Variants in TENM3 observed in about 807,000 individuals in gnomAD.
TENM3 encodes teneurin transmembrane protein 3.
In TENM3, 63 loss-of-function variants were observed where a neutral mutation model predicts 255.1. The ratio of observed to expected loss-of-function variants is 0.25; its 90% confidence interval spans 0.20 to 0.30. The LOEUF is 0.30. TENM3 is among the 10% of genes least tolerant of loss of function. The pLI is 1.00. For missense variants in TENM3, 2,929 were observed against 3,461.1 expected (o/e 0.85, Z 3.86); for synonymous variants, 1,306 against 1,322.3 (o/e 0.99, Z 0.27).
chr4:182,357,324 A>G (rs1292684687), intron 3 of TENM3, among the ~76,000 whole-genome samples: 1 of 151,858 alleles, frequency 6.6e-6, no homozygotes, highest in Non-Finnish European at 1.5e-5. Flanking sequence ...ACTAGTTTAC[A>G]GTCCCACCAA....
At chr4:182,780,663 C>T (rs1177155706) in intron 24 of TENM3, among the ~76,000 whole-genome samples, 9 of 146,318 alleles carry the variant, frequency 6.2e-5, no homozygotes, top group African/African-American at 2.1e-4. Flanking sequence ...GCCATTTTCA[C>T]GATATTGATT....
the TENM3 span, among the ~76,000 whole-genome samples, chr4:181,754,876 GA>G: frequency 1.3e-5 from 2 of 152,120 alleles, no homozygotes; most frequent in African/African-American, 4.8e-5. Context: ...CCCAGAATAC[GA>G]AAATGTTATT....
At chr4:182,477,192 A>T (rs2151488564) in intron 3 of TENM3, among the ~76,000 whole-genome samples, 1 of 152,320 alleles carries the variant, frequency 6.6e-6, no homozygotes, top group African/African-American at 2.4e-5. Context: ...CGATTTGATC[A>T]AAACCTTCAA....
the TENM3 span, among the ~76,000 whole-genome samples, chr4:181,448,191 G>T: frequency 3.0e-5 from 3 of 100,952 alleles, no homozygotes; most frequent in East Asian, 1.1e-3. Flanking sequence ...TTTTGAGACG[G>T]AGTCTCGCTC....
At chr4:181,769,095 G>T in the TENM3 span, among the ~76,000 whole-genome samples, 1 of 152,072 alleles carries the variant, frequency 6.6e-6, no homozygotes, top group Admixed American at 6.6e-5. Context: ...TTGTTTGATT[G>T]GATTTTATAG....
At chr4:182,099,471 T>G in the TENM3 span, among the ~76,000 whole-genome samples, 1 of 152,194 alleles carries the variant, frequency 6.6e-6, no homozygotes. Flanking sequence ...CCATCTGTCC[T>G]TACATGGACC....
chr4:181,796,443 CTT>C, the TENM3 span, among the ~76,000 whole-genome samples: 1 of 152,266 alleles, frequency 6.6e-6, no homozygotes, highest in African/African-American at 2.4e-5. Context: ...ATGAGATGGT[CTT>C]TGAGGATTCT....
intron 1 of TENM3, among the ~76,000 whole-genome samples, chr4:182,147,743 G>A (rs892935203): frequency 1.3e-5 from 2 of 152,082 alleles, no homozygotes; most frequent in Non-Finnish European, 2.9e-5. Context: ...GTTTACCGTG[G>A]TCCATAACCA....
chr4:182,429,495 A>C (rs2151183216), intron 3 of TENM3, among the ~76,000 whole-genome samples: 1 of 152,300 alleles, frequency 6.6e-6, no homozygotes, highest in South Asian at 2.1e-4. Flanking sequence ...CTTATATCAC[A>C]GCTATATTTA....
chr4:182,475,636 C>A (rs1486350399), intron 3 of TENM3, among the ~76,000 whole-genome samples: 1 of 152,220 alleles, frequency 6.6e-6, no homozygotes, highest in Non-Finnish European at 1.5e-5. Context: ...GAACATCTAT[C>A]TGCATACATA....
intron 3 of TENM3, among the ~76,000 whole-genome samples, chr4:182,371,686 G>A (rs550925440): frequency 2.6e-5 from 4 of 152,172 alleles, no homozygotes; most frequent in Admixed American, 6.5e-5. Flanking sequence ...GAATGCAATC[G>A]CACGGTCTTG....
At chr4:181,610,105 T>C in the TENM3 span, among the ~76,000 whole-genome samples, 3 of 152,204 alleles carry the variant, frequency 2.0e-5, no homozygotes, top group Non-Finnish European at 2.9e-5. Context: ...TTATGTGAAG[T>C]GAAAAAGAAA....
At chr4:182,017,520 T>A in the TENM3 span, among the ~76,000 whole-genome samples, 1 of 152,214 alleles carries the variant, frequency 6.6e-6, no homozygotes, top group African/African-American at 2.4e-5. Flanking sequence ...TTTCCAAGAA[T>A]CATTTTTTCA....
At chr4:182,139,098 T>C (rs1371431303), upstream of TENM3, among the ~76,000 whole-genome samples, 1 of 152,054 alleles carries the variant, frequency 6.6e-6, no homozygotes, top group Non-Finnish European at 1.5e-5. Context: ...TGGGCTAGGC[T>C]TGTGTGTCCA....
chr4:182,482,186 C>A (rs1308835571), intron 3 of TENM3, among the ~76,000 whole-genome samples: 3 of 152,054 alleles, frequency 2.0e-5, no homozygotes, highest in Non-Finnish European at 2.9e-5. Context: ...ACATGCTGAC[C>A]TAGAATCACT....
chr4:182,241,187 G>C (rs919906908), upstream of TENM3, among the ~76,000 whole-genome samples: 7 of 152,008 alleles, frequency 4.6e-5, no homozygotes, highest in African/African-American at 1.4e-4. Context: ...TTTACCATTG[G>C]CTTCCCAGAG....
At chr4:181,525,802 G>A in the TENM3 span, among the ~76,000 whole-genome samples, 1 of 152,274 alleles carries the variant, frequency 6.6e-6, no homozygotes, top group Admixed American at 6.5e-5. Flanking sequence ...ACTAATGAGG[G>A]CAGCTGGGTG....
rs746848713 is a variant in TENM3 at position 182,793,050 on chromosome 4, C to G, written c.6378C>G (p.Thr2126=). 7.4e-6 allele frequency: 12 copies of G among 1,613,762 alleles called. No individual in the cohort carries two copies. The Admixed American group carries it at 1.5e-4, about 20-fold the overall frequency. The change falls in exon 26 of 28, where the codon ACC becomes ACG. Residue 2126 remains threonine, a synonymous_variant. Transcript: ENST00000511685. This position sits in a 1 kb window ranked among gnomAD's most constrained non-coding sequence, Gnocchi z 5.7. ...AAATAGGGCCCTTTGCCAACACCAC[C>G]AAATATGCTTATGAATATGATGTTG... is the stretch of plus-strand genomic sequence containing the variant. ...EIKIGPFANT[T]KYAYEYDVDG...
At chr4:182,738,670 G>A (rs1409836180) in intron 18 of TENM3, 126 bp downstream of exon 18, 5 of 704,606 alleles carry the variant, frequency 7.1e-6, no homozygotes, top group Non-Finnish European at 8.4e-6. Context: ...GATTAGAAAT[G>A]GCAGAAAAAA....
Sources: gnomAD v4.1 joint callset for allele counts (sites outside exome capture counted in the v4.1 genomes callset) on GRCh38, gnomAD v4.1.1 for gene constraint, Gnocchi (gnomAD v3.1) non-coding constraint, MANE v1.5 for transcripts, NCBI Gene and HGNC (gene_info 2026-07-23, HGNC 2026-07-21) for gene names.